The following TP53INP2 variants were observed in gnomAD, a reference collection of about 807,000 sequenced individuals.
The protein encoded by TP53INP2 is tumor protein p53 inducible nuclear protein 2.
Under a neutral mutation model 17.1 loss-of-function variants are expected in TP53INP2, and 12 were observed. That is an observed-to-expected ratio of 0.70 (90% CI 0.45 to 1.14). TP53INP2 has a LOEUF of 1.14. Among genes scored for constraint, TP53INP2 ranks in the 50% most tolerant of loss-of-function variants. TP53INP2 has a pLI of 0.00. For synonymous variants in TP53INP2, 145 were observed against 147.3 expected (o/e 0.98, Z 0.12); for missense variants, 342 against 330.9 (o/e 1.03, Z -0.26).
At chr20:34,707,141 T>C (rs6060003) in intron 2 of TP53INP2, among the ~76,000 whole-genome samples, 82,576 of 151,934 alleles carry the variant, frequency 0.54, 24,417 homozygotes, top group African/African-American at 0.79. Context: ...CCTTAAGGGC[T>C]CCTGGGAACT....
At position 34,708,711 on chromosome 20, in the gene TP53INP2, C is replaced by T. The variant is rs777345118; in HGVS notation, c.-29C>T. ...CCCAGGTTTTTGCACTGCCATAGGG[C>T]GCCCCCGTGAGGCGCTTCGCCCCCC... is the stretch of plus-strand genomic sequence containing the variant. On this transcript the variant is annotated 5_prime_UTR_variant, in exon 3 of 5. Coordinates refer to ENST00000374810, the MANE Select transcript of TP53INP2 (RefSeq NM_021202.3). The T allele has an allele frequency of 1.9e-6, 3 of 1,554,880 alleles. No individual in the cohort carries two copies. The highest frequency in any genetic ancestry group is 1.4e-5 in the African/African-American group (1 of 73,786).
intron 2 of TP53INP2, among the ~76,000 whole-genome samples, chr20:34,708,158 A>G (rs1390476882): frequency 1.3e-5 from 2 of 152,188 alleles, no homozygotes; most frequent in East Asian, 1.9e-4. Context: ...TGGATGTCCA[A>G]TTCTCTGGAG....
chr20:34,707,162 T>A (rs1054425548), intron 2 of TP53INP2, among the ~76,000 whole-genome samples: 1 of 152,112 alleles, frequency 6.6e-6, no homozygotes, highest in Non-Finnish European at 1.5e-5. Context: ...GACAGCTCCC[T>A]CCCTTCATCA....
At position 34,709,008 on chromosome 20, in the gene TP53INP2, CCGGG is replaced by C. The variant is rs1988071952; in HGVS notation, c.124+146_124+149del. The C allele has an allele frequency of 7.1e-7, 1 of 1,412,842 alleles. No homozygotes were observed. The highest frequency in any genetic ancestry group is 2.4e-5 in the East Asian group (1 of 40,818). 87.5% of individuals were successfully genotyped at this position (1,412,842 alleles called of 1,614,324 possible). A position where few individuals can be genotyped will look rare whatever the true frequency, so the allele number is the denominator to read the frequency against. On this transcript the variant is annotated intron_variant, in intron 3 of 4. Transcript: ENST00000374810. This position sits in a 1 kb window ranked among gnomAD's most constrained non-coding sequence, Gnocchi z 5.4. Reference sequence around the variant, plus strand: ...GTCACGGGGCCCCTTCCCATGAAAGCCGGGGCTCTCTCCTGGCGGCCCAGGAGAG... The same window carrying C: ...GTCACGGGGCCCCTTCCCATGAAAGCGCTCTCTCCTGGCGGCCCAGGAGAG...
intron 1 of TP53INP2, chr20:34,704,740 C>G (rs964440181): frequency 1.3e-5 from 2 of 152,306 alleles, no homozygotes; most frequent in Non-Finnish European, 2.9e-5. Context: ...GCTTGTCCTC[C>G]CGTGACCCGG....
rs575579135 is a variant in TP53INP2 at position 34,704,410 on chromosome 20, C to T, written c.-269C>T. The T allele has an allele frequency of 2.6e-5, 4 of 152,166 alleles. No individual in the cohort carries two copies. Among genetic ancestry groups the T allele is most frequent in the Non-Finnish European group, 5.9e-5 (4 of 68,020 alleles). The allele number at this position is 152,166 out of a possible 1,614,324, so 9.4% of individuals were successfully genotyped here. A position where few individuals can be genotyped will look rare whatever the true frequency, so the allele number is the denominator to read the frequency against. On this transcript the variant is annotated 5_prime_UTR_variant, in exon 1 of 5. Transcript: ENST00000374810. ...GCGACCGCGGCCCCGCCGCCTCCCC[C>T]GCGAGTCCCGGCGATGCGGCCCGGC...
chr20:34,708,108 C>T (rs567083086), intron 2 of TP53INP2, among the ~76,000 whole-genome samples: 1 of 152,288 alleles, frequency 6.6e-6, no homozygotes, highest in South Asian at 2.1e-4. Flanking sequence ...CAATTTCCTC[C>T]CTGCCTGGAG....
chr20:34,705,567 A>G (rs2146821972), intron 2 of TP53INP2, 93 bp downstream of exon 2: 1 of 152,136 alleles, frequency 6.6e-6, no homozygotes, highest in South Asian at 2.1e-4. Context: ...TACCTTCCCA[A>G]CTTCCTAGGT....
At position 34,709,597 on chromosome 20, in the gene TP53INP2, C is replaced by A; in HGVS notation, c.413+73C>A. ...GGAGGCCAGGGTCCAGGCTAGGAGG[C>A]TGGGGTAGTGGGGCCAGGAGCCCGC... On this transcript the variant is annotated intron_variant, in intron 4 of 4. Transcript: ENST00000374810. The surrounding 1 kb of genome is among the most constrained non-coding windows in gnomAD (Gnocchi z 5.4). 1 of 1,495,670 alleles carries A rather than the reference C, an allele frequency of 6.7e-7. No individual in the cohort carries two copies. The highest frequency in any genetic ancestry group is 1.3e-5 in the South Asian group (1 of 76,788). 92.6% of individuals were successfully genotyped at this position (1,495,670 alleles called of 1,614,324 possible). A position where few individuals can be genotyped will look rare whatever the true frequency, so the allele number is the denominator to read the frequency against.
Position 34,710,529 on chromosome 20 carries a change from T to TAATC in TP53INP2, c.*224_*227dup. ...ACTCCTGGTCCCCATACCCAGCATC[T>TAATC]AATCATCCATGCCCCCTACTCCTGG... On this transcript the variant is annotated 3_prime_UTR_variant, in exon 5 of 5. Coordinates refer to ENST00000374810, the MANE Select transcript of TP53INP2 (RefSeq NM_021202.3). The surrounding 1 kb of genome is among the most constrained non-coding windows in gnomAD (Gnocchi z 4.9). 2.4e-6 allele frequency: 1 copy of TAATC among 412,260 alleles called. No homozygotes were observed. Among genetic ancestry groups the TAATC allele is most frequent in the Non-Finnish European group, 4.1e-6 (1 of 243,992 alleles). 25.5% of individuals were successfully genotyped at this position (412,260 alleles called of 1,614,324 possible).
Position 34,709,235 on chromosome 20 carries a change from G to A in TP53INP2, c.125-1G>A. 34 of 1,555,262 alleles carry A rather than the reference G, an allele frequency of 2.2e-5. No homozygotes were observed. The highest frequency in any genetic ancestry group is 2.9e-5 in the Non-Finnish European group (33 of 1,150,140). ...CACGGCTCCCATCCCGCGCCCCGTA[G>A]ACAGCTACGCGGCTCCACCCAGCCC... On this transcript the variant is annotated splice_acceptor_variant, in intron 3 of 4. Transcript: ENST00000374810. LOFTEE classifies it high-confidence loss of function. This position sits in a 1 kb window ranked among gnomAD's most constrained non-coding sequence, Gnocchi z 5.4.
At position 34,708,831 on chromosome 20, in the gene TP53INP2, A is replaced by G; in HGVS notation, c.92A>G (p.Glu31Gly). The G allele has an allele frequency of 1.2e-6, 2 of 1,612,474 alleles. No homozygotes were observed. Among genetic ancestry groups the G allele is most frequent in the Middle Eastern group, 1.7e-4 (1 of 6,052 alleles). ...CPRAFVSEEDEVDGWLIIDLP... is the reference protein window; with the variant it reads ...CPRAFVSEEDGVDGWLIIDLP... ...CGCGCCTTCGTGTCGGAGGAGGATG[A>G]AGTGGACGGCTGGCTCATCATTGAC... The change falls in exon 3 of 5, where the codon GAA (glutamate) becomes GGA (glycine). Residue 31 changes from glutamate (E) to glycine (G), a missense_variant. Physicochemically the swap from Glu to Gly is moderately conservative, Grantham distance 98. Transcript: ENST00000374810.
chr20:34,706,823 A>G (rs1259973086), intron 2 of TP53INP2, among the ~76,000 whole-genome samples: 1 of 152,216 alleles, frequency 6.6e-6, no homozygotes, highest in Non-Finnish European at 1.5e-5. Context: ...ACATGCCCCC[A>G]GGAAGTTCTA....
chr20:34,706,140 G>T (rs73902680), intron 2 of TP53INP2, among the ~76,000 whole-genome samples: 20,631 of 152,066 alleles, frequency 0.14, 2,429 homozygotes, highest in African/African-American at 0.33. Context: ...CCCTTTTGTA[G>T]CTAGGCGAGG....
Position 34,710,110 on chromosome 20 carries a change from C to A in TP53INP2, c.466C>A (p.Leu156Ile). 1 of 1,266,086 alleles carries A rather than the reference C, an allele frequency of 7.9e-7. No homozygotes were observed. The highest frequency in any genetic ancestry group is 9.9e-7 in the Non-Finnish European group (1 of 1,009,660). 78.4% of individuals were successfully genotyped at this position (1,266,086 alleles called of 1,614,324 possible). Residue 156 changes from leucine to isoleucine, a missense_variant, in exon 5 of 5, where the codon CTC (leucine) becomes ATC (isoleucine). Physicochemically the swap from Leu to Ile is conservative, Grantham distance 5. Transcript: ENST00000374810. This position sits in a 1 kb window ranked among gnomAD's most constrained non-coding sequence, Gnocchi z 4.9. Reference protein sequence around the residue: ...EPRAARHAAPLPARAALLEKA... With the variant: ...EPRAARHAAPIPARAALLEKA... ...GCGGGCCGCGCGCCACGCCGCTCCT[C>A]TCCCAGCGCGGGCGGCGCTGCTGGA...
In TP53INP2 at chr20:34,710,847, CCTCCAG is replaced by C. The variant is rs925482902; in HGVS notation, c.*541_*546del. On this transcript the variant is annotated 3_prime_UTR_variant, in exon 5 of 5. Coordinates refer to ENST00000374810, the MANE Select transcript of TP53INP2 (RefSeq NM_021202.3). This position sits in a 1 kb window ranked among gnomAD's most constrained non-coding sequence, Gnocchi z 4.9. ...GTGCAGCCTGGGCTGCTGTCATTGC[CCTCCAG>C]TAAGGGCTCAGGGTTTTGCTTTTAG... 1 of 152,506 alleles carries C rather than the reference CCTCCAG, an allele frequency of 6.6e-6. No homozygotes were observed. Among genetic ancestry groups the C allele is most frequent in the African/African-American group, 2.4e-5 (1 of 41,480 alleles). 9.4% of individuals were successfully genotyped at this position (152,506 alleles called of 1,614,324 possible). A position where few individuals can be genotyped will look rare whatever the true frequency, so the allele number is the denominator to read the frequency against.
Position 34,708,730 on chromosome 20 carries a change from GC to G in TP53INP2, c.-4del. ...ATAGGGCGCCCCCGTGAGGCGCTTC[GC>G]CCCCCACCATGTTCCAGCGCCTCTC... On this transcript the variant is annotated 5_prime_UTR_variant, in exon 3 of 5. Coordinates refer to ENST00000374810, the MANE Select transcript of TP53INP2 (RefSeq NM_021202.3). 1 of 1,568,586 alleles carries G rather than the reference GC, an allele frequency of 6.4e-7. No individual in the cohort carries two copies. Among genetic ancestry groups the G allele is most frequent in the Non-Finnish European group, 8.6e-7 (1 of 1,158,370 alleles).
Position 34,709,512 on chromosome 20 carries a change from A to T in TP53INP2, c.401A>T (p.Asp134Val). The T allele has an allele frequency of 6.2e-7, 1 of 1,607,588 alleles. No homozygotes were observed. The change falls in exon 4 of 5, where the codon GAC becomes GTC. Residue 134 changes from aspartate to valine, a missense_variant. Transcript: ENST00000374810. This position sits in a 1 kb window ranked among gnomAD's most constrained non-coding sequence, Gnocchi z 5.4. ...CCGGACGCGGCCCTGCCTGACGGCGACCTCAGCGAAGGGTGAGCGGGCCGG... is the reference window on the plus strand; with the variant it reads ...CCGGACGCGGCCCTGCCTGACGGCGTCCTCAGCGAAGGGTGAGCGGGCCGG... ...PLPDAALPDG[D>V]LSEGELTPAR...
intron 1 of TP53INP2, 146 bp downstream of exon 1, chr20:34,704,658 C>T (rs998512936): frequency 2.6e-5 from 4 of 152,222 alleles, no homozygotes; most frequent in African/African-American, 9.6e-5. Flanking sequence ...CCCGGTAGAC[C>T]ATGACGTCGT....
Sources: gnomAD v4.1 joint callset for allele counts (sites outside exome capture counted in the v4.1 genomes callset) on GRCh38, gnomAD v4.1.1 for gene constraint, Gnocchi (gnomAD v3.1) non-coding constraint, MANE v1.5 for transcripts, NCBI Gene and HGNC (gene_info 2026-07-23, HGNC 2026-07-21) for gene names.